The following PRKD3 variants were observed in gnomAD, a reference collection of about 807,000 sequenced individuals.
PRKD3 encodes the protein protein kinase D3.
Under a neutral mutation model 99.2 loss-of-function variants are expected in PRKD3, and 47 were observed. The ratio of observed to expected loss-of-function variants is 0.47; its 90% CI spans 0.38 to 0.60. The LOEUF is 0.60. Ranked by LOEUF, PRKD3 falls within the 20% of genes least tolerant of loss-of-function variation. PRKD3 has a pLI of 0.00. For missense variants in PRKD3, 1,019 were observed against 1,088.4 expected, an observed-to-expected ratio of 0.94 and a Z score of 0.90; for synonymous variants, 392 against 355.4, an observed-to-expected ratio of 1.10 and a Z score of -1.16.
chr2:37,295,250 C>T (rs1289112187), intron 2 of PRKD3, among the ~76,000 whole-genome samples: 1 of 151,778 alleles, frequency 6.6e-6, no homozygotes, highest in Non-Finnish European at 1.5e-5. Context: ...CAGAAATAAA[C>T]ACAAATATAT....
intron 2 of PRKD3, among the ~76,000 whole-genome samples, chr2:37,309,923 TCA>T (rs1671350068): frequency 6.6e-6 from 1 of 150,796 alleles, no homozygotes; most frequent in African/African-American, 2.4e-5. Context: ...AATATAGAAG[TCA>T]CAGGTTTTCA....
chr2:37,301,285 G>C (rs576299947), intron 2 of PRKD3, among the ~76,000 whole-genome samples: 5 of 151,882 alleles, frequency 3.3e-5, no homozygotes, highest in Non-Finnish European at 7.4e-5. Context: ...TGACAGCAGT[G>C]AAACCTAAGA....
chr2:37,303,199 C>T (rs1384855977), intron 2 of PRKD3, among the ~76,000 whole-genome samples: 3 of 152,084 alleles, frequency 2.0e-5, no homozygotes, highest in Non-Finnish European at 4.4e-5. Context: ...ACCTGCCCGT[C>T]CCGTCCCCTC....
chr2:37,269,037 A>G (rs1341182069), intron 13 of PRKD3: 1 of 153,766 alleles, frequency 6.5e-6, no homozygotes, highest in Non-Finnish European at 1.4e-5. Context: ...CAAGGGTTTA[A>G]CATTTCTTTC....
chr2:37,288,247 A>G (rs1395287241), intron 5 of PRKD3, among the ~76,000 whole-genome samples: 2 of 152,166 alleles, frequency 1.3e-5, no homozygotes, highest in African/African-American at 2.4e-5. Context: ...TCAGTGTATA[A>G]GATGCACTAA....
intron 1 of PRKD3, chr2:37,324,107 G>C (rs1672002952): frequency 2.2e-6 from 2 of 909,490 alleles, no homozygotes; most frequent in African/African-American, 3.6e-5. Flanking sequence ...CCAGGAGGGA[G>C]CAACTCGGAA....
intron 16 of PRKD3, among the ~76,000 whole-genome samples, chr2:37,259,194 T>C (rs77943902): frequency 6.6e-6 from 1 of 152,180 alleles, no homozygotes; most frequent in South Asian, 2.1e-4. Context: ...ATACTCTACA[T>C]AGAAAAAGGA....
intron 3 of PRKD3, among the ~76,000 whole-genome samples, chr2:37,291,928 C>T (rs908883411): frequency 1.3e-5 from 2 of 152,122 alleles, no homozygotes; most frequent in Non-Finnish European, 2.9e-5. Flanking sequence ...TTCTTTCTTC[C>T]TTTTCACTCC....
At chr2:37,303,488 G>C (rs1488135306) in intron 2 of PRKD3, among the ~76,000 whole-genome samples, 3 of 152,072 alleles carry the variant, frequency 2.0e-5, no homozygotes, top group Non-Finnish European at 4.4e-5. Flanking sequence ...GGCCTCTGGG[G>C]GGTTTCAGGC....
intron 14 of PRKD3, among the ~76,000 whole-genome samples, chr2:37,262,671 C>G (rs1276681903): frequency 7.2e-6 from 1 of 139,690 alleles, no homozygotes; most frequent in Non-Finnish European, 1.5e-5. Flanking sequence ...TTGGCTGGCT[C>G]TATGCTTTTT....
rs575177150 is a variant in PRKD3, at chr2:37,265,508, A to C, written c.1884+1922T>G. Among the ~76,000 whole-genome samples, 747 of 151,238 alleles carry C rather than the reference A, an allele frequency of 4.9e-3. 6 individuals carry two copies. The highest frequency in any genetic ancestry group is 6.5e-3 in the Non-Finnish European group (441 of 67,840). On this transcript the variant is annotated intron_variant, in intron 14 of 18. Coordinates refer to ENST00000234179, the MANE Select transcript of PRKD3 (RefSeq NM_005813.6). ...TATACTACACACACACACACACACA[A>C]ACACACACACAGAGTGGGTCAGTCC...
rs9318 is a variant in PRKD3 at position 37,250,771 on chromosome 2, A to G, written c.*2406T>C. ...GTATATTTACAAAAAGTTGGATATA[A>G]CCAAAAAAATATTAAAAATGTACTG... is the stretch of plus-strand genomic sequence containing the variant. On this transcript the variant is annotated 3_prime_UTR_variant, in exon 19 of 19. Transcript: ENST00000234179. 22,699 of 150,988 alleles carry G rather than the reference A, an allele frequency of 0.15. 1,841 individuals are homozygous for G. The highest frequency in any genetic ancestry group is 0.27 in the South Asian group (1,281 of 4,824). The allele number at this position is 150,988 out of a possible 1,614,324, so 9.4% of individuals were successfully genotyped here.
intron 2 of PRKD3, among the ~76,000 whole-genome samples, chr2:37,305,387 C>G (rs952108690): frequency 5.9e-5 from 9 of 152,198 alleles, no homozygotes; most frequent in African/African-American, 1.9e-4. Context: ...TTTCTGTAAA[C>G]AGCATTATAA....
intron 2 of PRKD3, among the ~76,000 whole-genome samples, chr2:37,308,579 C>T (rs181207556): frequency 2.6e-4 from 39 of 149,936 alleles, no homozygotes; most frequent in African/African-American, 5.7e-4. Flanking sequence ...CTCAGCCTCC[C>T]GAGTAGTTGG....
At chr2:37,280,114 G>A (rs968320829) in intron 7 of PRKD3, among the ~76,000 whole-genome samples, 185 bp from the exon 8 acceptor site, 3 of 147,594 alleles carry the variant, frequency 2.0e-5, no homozygotes, top group African/African-American at 5.0e-5. Context: ...GTGTGATCTC[G>A]GCTCACTGCA....
At chr2:37,289,080 T>TAA (rs66958653) in intron 5 of PRKD3, among the ~76,000 whole-genome samples, 48,973 of 143,798 alleles carry the variant, frequency 0.34, 8,878 homozygotes, top group East Asian at 0.44. Context: ...AAAAAAAAAT[T>TAA]AAAAAAAAAA....
Position 37,253,060 on chromosome 2 carries a change from TATC to T in PRKD3, c.*114_*116del, listed in dbSNP as rs2148467275. ...TACAGTACTGGTGTCACTTATTCGT[TATC>T]ATATTTCTTCATATCTTTGCAGCAC... On this transcript the variant is annotated 3_prime_UTR_variant, in exon 19 of 19. Transcript: ENST00000234179. The T allele has an allele frequency of 5.5e-6, 6 of 1,090,474 alleles. No individual in the cohort carries two copies. The South Asian group carries it at 5.7e-5, about 10-fold the overall frequency. 67.5% of individuals were successfully genotyped at this position (1,090,474 alleles called of 1,614,324 possible). A position where few individuals can be genotyped will look rare whatever the true frequency, so the allele number is the denominator to read the frequency against.
chr2:37,304,858 G>A (rs976748892), intron 2 of PRKD3, among the ~76,000 whole-genome samples: 2 of 148,902 alleles, frequency 1.3e-5, no homozygotes, highest in Non-Finnish European at 3.0e-5. Context: ...ATTTTTTCTT[G>A]TTTTGTTATT....
Position 37,252,950 on chromosome 2 carries a change from TAAA to T in PRKD3, c.*224_*226del. 2.8e-6 allele frequency: 1 copy of T among 359,078 alleles called. No individual in the cohort carries two copies. The highest frequency in any genetic ancestry group is 4.9e-6 in the Non-Finnish European group (1 of 204,766). 22.2% of individuals were successfully genotyped at this position (359,078 alleles called of 1,614,324 possible). On this transcript the variant is annotated 3_prime_UTR_variant, in exon 19 of 19. Coordinates refer to ENST00000234179, the MANE Select transcript of PRKD3 (RefSeq NM_005813.6). ...ATACAAAACCAGTTATTGCTTAGGC[TAAA>T]AAAGTTTATAAAAAGCTTCACCTTG... is the stretch of plus-strand genomic sequence containing the variant.
Sources: allele counts gnomAD v4.1 joint callset (sites outside exome capture counted in the v4.1 genomes callset), GRCh38; gene constraint gnomAD v4.1.1; transcripts MANE v1.5; gene names NCBI Gene and HGNC (gene_info 2026-07-23, HGNC 2026-07-21).